BAZ1B: variants seen among roughly 807,000 people sequenced by gnomAD.
BAZ1B encodes the protein tyrosine-protein kinase BAZ1B.
In BAZ1B, 22 loss-of-function variants were observed where a neutral mutation model predicts 153.8. That is an observed-to-expected ratio of 0.14 (90% confidence interval 0.10 to 0.20). The LOEUF (loss-of-function observed/expected upper bound fraction) is 0.20. Among genes scored for constraint, BAZ1B ranks in the 10% least tolerant of loss-of-function variants. The pLI is 1.00. For missense variants in BAZ1B, 1,325 were observed against 1,799.3 expected, an observed-to-expected ratio of 0.74 and a Z score of 4.77; for synonymous variants, 676 against 633.4, an observed-to-expected ratio of 1.07 and a Z score of -1.01.
At chr7:73,497,353 A>G (rs1789954651) in intron 4 of BAZ1B, among the ~76,000 whole-genome samples, 1 of 152,188 alleles carries the variant, frequency 6.6e-6, no homozygotes, top group South Asian at 2.1e-4. Flanking sequence ...TCATTAGGAA[A>G]TGATTACAGT....
intron 6 of BAZ1B, among the ~76,000 whole-genome samples, chr7:73,480,780 T>A (rs1375938889): frequency 6.6e-6 from 1 of 151,994 alleles, no homozygotes; most frequent in African/African-American, 2.4e-5. Context: ...AATAACGAAA[T>A]TATGAGCCCC....
At chr7:73,493,462 A>AAAAAG (rs1328929900) in intron 4 of BAZ1B, among the ~76,000 whole-genome samples, 5 of 152,138 alleles carry the variant, frequency 3.3e-5, no homozygotes, top group Non-Finnish European at 7.3e-5. Context: ...TCCGTCTCAA[A>AAAAAG]AAAAGAAAAG....
rs565202776 is a variant in BAZ1B, at chr7:73,504,905, T to C, written c.369+3422A>G. Among the ~76,000 whole-genome samples the C allele has an allele frequency of 1.2e-4, 18 of 152,222 alleles. 1 individual carries two copies. In the South Asian group the frequency reaches 3.1e-3, roughly 26 times the overall value. ...AAATAAAAAAGAACTAGCTAGGAGA[T>C]AGAAAGGAGTCAGAGTAAATTATTG... On this transcript the variant is annotated intron_variant, in intron 3 of 19. Coordinates refer to ENST00000339594, the MANE Select transcript of BAZ1B (RefSeq NM_032408.4).
intron 3 of BAZ1B, among the ~76,000 whole-genome samples, chr7:73,508,044 T>A (rs1554578049): frequency 6.6e-6 from 1 of 152,052 alleles, no homozygotes; most frequent in Non-Finnish European, 1.5e-5. Flanking sequence ...TAGTCCCAGC[T>A]ACTCAGAAGG....
At chr7:73,468,458 C>T (rs62465143) in intron 9 of BAZ1B, among the ~76,000 whole-genome samples, 9,794 of 152,132 alleles carry the variant, frequency 0.064, 370 homozygotes, top group African/African-American at 0.089. Flanking sequence ...GTCAGTAACA[C>T]TGAGGTTGAG....
intron 10 of BAZ1B, 30 bp from the exon 11 acceptor site, chr7:73,465,567 T>TA (rs1563373170): frequency 5.2e-6 from 7 of 1,358,104 alleles, no homozygotes; most frequent in Admixed American, 2.3e-5. Context: ...CTGATAACTC[T>TA]GAAAAAAAAA....
chr7:73,511,514 A>G (rs1240027081), intron 1 of BAZ1B, among the ~76,000 whole-genome samples: 1 of 151,176 alleles, frequency 6.6e-6, no homozygotes, highest in African/African-American at 2.5e-5. Flanking sequence ...AAATAAAAAT[A>G]AAAAATAATA....
At chr7:73,502,517 T>C (rs896254166) in intron 3 of BAZ1B, among the ~76,000 whole-genome samples, 1 of 152,014 alleles carries the variant, frequency 6.6e-6, no homozygotes, top group Admixed American at 6.6e-5. Flanking sequence ...GGAGGACTGC[T>C]TGAGCTCAGG....
chr7:73,463,239 C>CTTTTTTTT (rs11340027), intron 11 of BAZ1B, 140 bp from the exon 12 acceptor site: 20 of 466,536 alleles, frequency 4.3e-5, no homozygotes, highest in South Asian at 9.3e-5. Context: ...TTTCTTTTTT[C>CTTTTTTTT]TTTTTTTTTT....
At chr7:73,476,824 A>G (rs368230635) in intron 7 of BAZ1B, 44 bp downstream of exon 7, 25 of 1,544,024 alleles carry the variant, frequency 1.6e-5, no homozygotes, top group Non-Finnish European at 2.0e-5. Context: ...TTCTTTTACT[A>G]TCTTCTACAG....
chr7:73,457,506 G>A (rs180972976), intron 13 of BAZ1B, among the ~76,000 whole-genome samples: 3 of 152,124 alleles, frequency 2.0e-5, no homozygotes, highest in African/African-American at 7.2e-5. Flanking sequence ...CATGTTCACA[G>A]CAACATTATT....
chr7:73,504,300 T>C (rs1289764473), intron 3 of BAZ1B, among the ~76,000 whole-genome samples: 2 of 152,128 alleles, frequency 1.3e-5, no homozygotes, highest in African/African-American at 4.8e-5. Flanking sequence ...GGGAGGATCA[T>C]GCAAGTCCAG....
At chr7:73,515,425 CG>C (rs1437269900) in intron 1 of BAZ1B, among the ~76,000 whole-genome samples, 3 of 151,892 alleles carry the variant, frequency 2.0e-5, no homozygotes, top group Admixed American at 6.6e-5. Context: ...TGTCACTTCC[CG>C]GAAGAGGCTT....
chr7:73,508,945 G>T (rs1041767118), intron 2 of BAZ1B, among the ~76,000 whole-genome samples: 1 of 151,632 alleles, frequency 6.6e-6, no homozygotes, highest in Admixed American at 6.6e-5. Context: ...CCCAGGAAGC[G>T]GAGCTTACAG....
At chr7:73,465,863 G>A (rs1788564330) in intron 10 of BAZ1B, among the ~76,000 whole-genome samples, 1 of 152,076 alleles carries the variant, frequency 6.6e-6, no homozygotes, top group Non-Finnish European at 1.5e-5. Flanking sequence ...TAAATCACAG[G>A]TGATCACAGT....
intron 2 of BAZ1B, among the ~76,000 whole-genome samples, chr7:73,508,992 G>T (rs1249893915): frequency 7.7e-6 from 1 of 130,484 alleles, no homozygotes; most frequent in African/African-American, 2.9e-5. Context: ...CAGCCTGGGC[G>T]ACAGAGCGAG....
intron 3 of BAZ1B, among the ~76,000 whole-genome samples, chr7:73,502,757 G>A (rs1219107705): frequency 6.6e-6 from 1 of 152,088 alleles, no homozygotes; most frequent in Non-Finnish European, 1.5e-5. Context: ...CAGCCTAGGC[G>A]ACAGAGCCAG....
intron 16 of BAZ1B, 73 bp from the exon 17 acceptor site, chr7:73,444,202 A>G: frequency 6.9e-7 from 1 of 1,452,878 alleles, no homozygotes. Context: ...AATGGGGGAA[A>G]GGGATGCAGG....
Position 73,450,099 on chromosome 7 carries a change from G to A in BAZ1B, c.3581-410C>T, listed in dbSNP as rs1787982275. ...GTCTTGCTCTGTCACCCAGGCTGGAGTGCAGTGGCGCGATCTCGGCTCACT... is the reference window on the plus strand; with the variant it reads ...GTCTTGCTCTGTCACCCAGGCTGGAATGCAGTGGCGCGATCTCGGCTCACT... On this transcript the variant is annotated intron_variant, in intron 14 of 19. Coordinates refer to ENST00000339594, the MANE Select transcript of BAZ1B (RefSeq NM_032408.4). This position sits in a 1 kb window ranked among gnomAD's most constrained non-coding sequence, Gnocchi z 4.1. Among the ~76,000 whole-genome samples the A allele has an allele frequency of 6.6e-6, 1 of 151,736 alleles. No homozygotes were observed. The highest frequency in any genetic ancestry group is 1.5e-5 in the Non-Finnish European group (1 of 67,972).
Sources: allele counts gnomAD v4.1 joint callset (sites outside exome capture counted in the v4.1 genomes callset), GRCh38; gene constraint gnomAD v4.1.1; non-coding constraint Gnocchi (gnomAD v3.1); transcripts MANE v1.5; gene names NCBI Gene and HGNC (gene_info 2026-07-23, HGNC 2026-07-21).